Variants in DALRD3 observed in about 807,000 individuals in gnomAD.
The protein encoded by DALRD3 is DALR anticodon-binding domain-containing protein 3.
DALRD3 carries 47 observed loss-of-function variants against 56.7 expected under a neutral mutation model. The ratio of observed to expected loss-of-function variants is 0.83; its 90% CI spans 0.66 to 1.06. The LOEUF is 1.06. DALRD3 is among the 50% of genes least tolerant of loss of function. The pLI, the probability that DALRD3 is intolerant of heterozygous loss-of-function variation, is 0.00. For synonymous variants in DALRD3, 347 were observed against 308.5 expected, an observed-to-expected ratio of 1.12 and a Z score of -1.31; for missense variants, 787 against 724.0, an observed-to-expected ratio of 1.09 and a Z score of -1.00.
chr3:49,018,179 A>T lies in DALRD3; in HGVS notation c.305T>A (p.Val102Glu). Reference protein sequence around the residue: ...SAVFERVLSAVAAYATPASPA... With the variant: ...SAVFERVLSAEAAYATPASPA... The stretch of plus-strand genomic sequence containing the variant: ...CGAGGCGGGCGTGGCATAGGCGGCC[A>T]CGGCGCTGAGGACGCGCTCGAAGAC... The change falls in exon 2 of 12, where the codon GTG (valine) becomes GAG (glutamate). Residue 102 changes from valine (V) to glutamate (E), a missense_variant. Physicochemically the swap from Val to Glu is moderately radical, Grantham distance 121. Transcript: ENST00000341949. 6.9e-7 allele frequency: 1 copy of T among 1,451,282 alleles called. No homozygotes were observed. The highest frequency in any genetic ancestry group is 9.0e-7 in the Non-Finnish European group (1 of 1,113,744). The allele number at this position is 1,451,282 out of a possible 1,614,324, so 89.9% of individuals were successfully genotyped here. A position where few individuals can be genotyped will look rare whatever the true frequency, so the allele number is the denominator to read the frequency against.
chr3:49,018,148 G>T lies in DALRD3; in HGVS notation c.336C>A (p.Ala112=). 6.8e-7 allele frequency: 1 copy of T among 1,461,146 alleles called. No homozygotes were observed. Among genetic ancestry groups the T allele is most frequent in the East Asian group, 2.5e-5 (1 of 39,590 alleles). 90.5% of individuals were successfully genotyped at this position (1,461,146 alleles called of 1,614,324 possible). A position where few individuals can be genotyped will look rare whatever the true frequency, so the allele number is the denominator to read the frequency against. Residue 112 remains alanine, a synonymous_variant, in exon 2 of 12, where the codon GCC becomes GCA. Transcript: ENST00000341949. ...GTAGTAAGACGCGCTGGCCCAGCGA[G>T]GCAGGCGAGGCGGGCGTGGCATAGG... The part of the protein sequence containing the change: ...VAAYATPASP[A]SLGQRVLLHC...
Position 49,017,798 on chromosome 3 carries a change from T to G in DALRD3, c.533A>C (p.Asp178Ala). The G allele has an allele frequency of 6.2e-7, 1 of 1,613,094 alleles. No homozygotes were observed. The highest frequency in any genetic ancestry group is 8.5e-7 in the Non-Finnish European group (1 of 1,179,988). The change falls in exon 3 of 12, where the codon GAC becomes GCC. Residue 178 changes from aspartate to alanine, a missense_variant. Coordinates refer to ENST00000341949, the MANE Select transcript of DALRD3 (RefSeq NM_001009996.3). Reference protein sequence around the residue: ...MLTFLQQLRVDWPAASERASS... With the variant: ...MLTFLQQLRVAWPAASERASS... The stretch of plus-strand genomic sequence containing the variant: ...AGCTCTCTCCGAGGCAGCGGGCCAG[T>G]CCACCCGCAGTTGCTGCAGGAAGGT...
chr3:49,017,606 G>A lies in DALRD3; in HGVS notation c.718+7C>T. ...CTTTTCTGGCCCTGCTAGGCTTCAG[G>A]TCCTACCCAGACAGTTGTCCAGGTT... On this transcript the variant is annotated splice_region_variant and intron_variant, in intron 3 of 11. Coordinates refer to ENST00000341949, the MANE Select transcript of DALRD3 (RefSeq NM_001009996.3). 1 of 1,614,114 alleles carries A rather than the reference G, an allele frequency of 6.2e-7. No homozygotes were observed. Among genetic ancestry groups the A allele is most frequent in the Non-Finnish European group, 8.5e-7 (1 of 1,180,010 alleles).
upstream of DALRD3, chr3:49,020,451 C>T (rs1193215338): frequency 2.1e-5 from 8 of 381,904 alleles, no homozygotes; most frequent in African/African-American, 4.2e-5. Context: ...CACCCTCCCT[C>T]GCCAATCCTC....
rs773689750 is a variant in DALRD3, at chr3:49,016,784, CAG to C, written c.989_990del (p.Pro330ArgfsTer43). ...CCCAGCCTCACTCACTCGTAGTACT[CAG>C]GGGCAGTCATCAGAGTGCCAGGTGC... The part of the protein sequence containing the change: ...AGAPGTLMTA[P>X]EYYEFRHTQV... On this transcript the variant is annotated frameshift_variant, in exon 6 of 12. Transcript: ENST00000341949. LOFTEE classifies it high-confidence loss of function. 5.6e-6 allele frequency: 9 copies of C among 1,614,202 alleles called. No homozygotes were observed. The highest frequency in any genetic ancestry group is 7.6e-6 in the Non-Finnish European group (9 of 1,180,036).
rs910086884 is a variant in DALRD3, at chr3:49,015,829, T to G, written c.1487A>C (p.Tyr496Ser). ...CCCCAGGATGTGTACCCGGTTGTAG[T>G]AGGAGCTGAAATCCATGCTGAGCTG... Reference protein sequence around the residue: ...LVQLSMDFSSYYNRVHILGEP... With the variant: ...LVQLSMDFSSSYNRVHILGEP... The change falls in exon 11 of 12, where the codon TAC (tyrosine) becomes TCC (serine). Residue 496 changes from tyrosine (Y) to serine (S), a missense_variant. Transcript: ENST00000341949. 6.2e-7 allele frequency: 1 copy of G among 1,614,184 alleles called. No homozygotes were observed. Among genetic ancestry groups the G allele is most frequent in the Admixed American group, 1.7e-5 (1 of 60,026 alleles).
At chr3:49,016,382 C>A (rs2093070941) in intron 8 of DALRD3, 42 bp from the exon 9 acceptor site, 1 of 1,604,850 alleles carries the variant, frequency 6.2e-7, no homozygotes, top group Non-Finnish European at 8.5e-7. Context: ...AAGGCAGCCA[C>A]CACACCCTGT....
At chr3:49,019,477 G>A (rs1031574343), upstream of DALRD3, among the ~76,000 whole-genome samples, 4 of 148,964 alleles carry the variant, frequency 2.7e-5, no homozygotes, top group African/African-American at 9.9e-5. Context: ...AGAATTACCA[G>A]ACTTTTTTTT....
In DALRD3 at chr3:49,018,520, G is replaced by C. The variant is rs534777181; in HGVS notation, c.45C>G (p.Leu15=). Residue 15 remains leucine, a synonymous_variant, in exon 1 of 12, where the codon CTC becomes CTG. Coordinates refer to ENST00000341949, the MANE Select transcript of DALRD3 (RefSeq NM_001009996.3). ...RLGVGETLGA[L]NAALGPGGPV... is the part of the protein sequence containing the mutation. ...GACCGCCTGGCCCCAGGGCCGCGTT[G>C]AGGGCCCCCAGCGTCTCCCCGACCC... is the stretch of plus-strand genomic sequence containing the variant. 1 of 1,585,456 alleles carries C rather than the reference G, an allele frequency of 6.3e-7. No individual in the cohort carries two copies. Among genetic ancestry groups the C allele is most frequent in the South Asian group, 1.1e-5 (1 of 87,570 alleles).
rs1447702399 is a variant in DALRD3 at position 49,018,331 on chromosome 3, G to T, written c.166-13C>A. ...AATGCTCCGGAACCTGCGGGAGAACGGGCGTGTAAAAGAGCCACGGCACGG... is the reference window on the plus strand; with the variant it reads ...AATGCTCCGGAACCTGCGGGAGAACTGGCGTGTAAAAGAGCCACGGCACGG... On this transcript the variant is annotated splice_polypyrimidine_tract_variant and intron_variant, in intron 1 of 11. Coordinates refer to ENST00000341949, the MANE Select transcript of DALRD3 (RefSeq NM_001009996.3). 10 of 1,487,200 alleles carry T rather than the reference G, an allele frequency of 6.7e-6. No individual in the cohort carries two copies. Among genetic ancestry groups the T allele is most frequent in the Middle Eastern group, 1.8e-4 (1 of 5,696 alleles). 92.1% of individuals were successfully genotyped at this position (1,487,200 alleles called of 1,614,324 possible). A position where few individuals can be genotyped will look rare whatever the true frequency, so the allele number is the denominator to read the frequency against.
intron 5 of DALRD3, 140 bp from the exon 6 acceptor site, chr3:49,016,987 G>A (rs766324148): frequency 5.7e-6 from 6 of 1,045,814 alleles, no homozygotes; most frequent in Non-Finnish European, 8.5e-6. Flanking sequence ...CGTCTACCCA[G>A]CCACTCAGGC....
At position 49,016,381 on chromosome 3, in the gene DALRD3, A is replaced by G. The variant is rs1042206871; in HGVS notation, c.1147-41T>C. The G allele has an allele frequency of 5.6e-6, 9 of 1,604,816 alleles. No individual in the cohort carries two copies. The African/African-American group carries it at 1.2e-4, about 21-fold the overall frequency. On this transcript the variant is annotated intron_variant, in intron 8 of 11. Transcript: ENST00000341949. ...ACAGCTGCAGAGAGAGAAGGCAGCC[A>G]CCACACCCTGTGCCCCAACACTGGC...
upstream of DALRD3, chr3:49,020,454 C>T (rs2093143922): frequency 7.8e-6 from 3 of 382,310 alleles, no homozygotes; most frequent in Non-Finnish European, 1.6e-5. Context: ...CCTCCCTCGC[C>T]AATCCTCCCC....
In DALRD3 at chr3:49,017,325, C is replaced by A. The variant is rs116136042; in HGVS notation, c.830G>T (p.Cys277Phe). 3.0e-4 allele frequency: 489 copies of A among 1,614,214 alleles called. 2 individuals carry two copies. In the African/African-American group the frequency reaches 5.9e-3, roughly 20 times the overall value. Residue 277 changes from cysteine to phenylalanine, a missense_variant, in exon 5 of 12, where the codon TGC (cysteine) becomes TTC (phenylalanine). Physicochemically the swap from Cys to Phe is radical, Grantham distance 205. Transcript: ENST00000341949. ...AGASDTGTGG[C>F]LVVHVVSCEE... is the part of the protein sequence containing the mutation. ...ACAGCTAACAACATGTACAACCAGG[C>A]AGCCGCCTGTACCAGTATCTGAGGC...
rs1487964168 is a variant in DALRD3 at position 49,015,817 on chromosome 3, A to T, written c.1499T>A (p.Val500Glu). Residue 500 changes from valine to glutamate, a missense_variant, in exon 11 of 12, where the codon GTA becomes GAA. Physicochemically the swap from Val to Glu is moderately radical, Grantham distance 121 (BLOSUM62 -2). Transcript: ENST00000341949. ...SMDFSSYYNR[V>E]HILGEPRPHL... ...CTGTGTGCTCACCCCCAGGATGTGT[A>T]CCCGGTTGTAGTAGGAGCTGAAATC... is the stretch of plus-strand genomic sequence containing the variant. 6.2e-7 allele frequency: 1 copy of T among 1,614,054 alleles called. No homozygotes were observed.
At position 49,016,094 on chromosome 3, in the gene DALRD3, G is replaced by A; in HGVS notation, c.1330-8C>T. 1 of 1,606,338 alleles carries A rather than the reference G, an allele frequency of 6.2e-7. No homozygotes were observed. Among genetic ancestry groups the A allele is most frequent in the Non-Finnish European group, 8.5e-7 (1 of 1,174,414 alleles). On this transcript the variant is annotated splice_region_variant and splice_polypyrimidine_tract_variant and intron_variant, in intron 9 of 11. Coordinates refer to ENST00000341949, the MANE Select transcript of DALRD3 (RefSeq NM_001009996.3). The stretch of plus-strand genomic sequence containing the variant: ...GAGCAACAACCACTCACCCTGTTGG[G>A]GAGAAAGGTGCTGGGAGGGGAAGTC...
chr3:49,019,659 A>C (rs2093135036), upstream of DALRD3, among the ~76,000 whole-genome samples: 1 of 150,884 alleles, frequency 6.6e-6, no homozygotes, highest in Non-Finnish European at 1.5e-5. Context: ...TTGTATTTTT[A>C]ATAGAGACGG....
In DALRD3 at chr3:49,018,393, C is replaced by T; in HGVS notation, c.165+7G>A. The stretch of plus-strand genomic sequence containing the variant: ...CGGCCGCACGGCCCCGCCCGGCTCA[C>T]GCCCACCTGGCCGTCATCGAAGCGC... On this transcript the variant is annotated splice_region_variant and intron_variant, in intron 1 of 11. Transcript: ENST00000341949. 1 of 1,558,508 alleles carries T rather than the reference C, an allele frequency of 6.4e-7. No homozygotes were observed. The highest frequency in any genetic ancestry group is 8.7e-7 in the Non-Finnish European group (1 of 1,154,290).
Position 49,015,953 on chromosome 3 carries a change from C to T in DALRD3, c.1443+20G>A, listed in dbSNP as rs1183298421. The T allele has an allele frequency of 4.3e-6, 7 of 1,614,022 alleles. No individual in the cohort carries two copies. The highest frequency in any genetic ancestry group is 5.1e-6 in the Non-Finnish European group (6 of 1,180,018). ...GAATAAAGAATAGAGTGTAGAGTGT[C>T]CTGGTTGTCTATGCCTCACCATCTC... On this transcript the variant is annotated intron_variant, in intron 10 of 11. Transcript: ENST00000341949.
Sources: allele counts gnomAD v4.1 joint callset (sites outside exome capture counted in the v4.1 genomes callset), GRCh38; gene constraint gnomAD v4.1.1; transcripts MANE v1.5; gene names NCBI Gene and HGNC (gene_info 2026-07-23, HGNC 2026-07-21).